The following VPS8 variants were observed in gnomAD, a reference collection of about 807,000 sequenced individuals.
VPS8 encodes the protein VPS8 subunit of CORVET complex.
Under a neutral mutation model 216.4 loss-of-function variants are expected in VPS8, and 129 were observed. That is an observed-to-expected ratio of 0.60 (90% CI 0.52 to 0.69). The LOEUF is 0.69. Ranked by LOEUF, VPS8 falls within the 30% of genes least tolerant of loss-of-function variation. The pLI, the probability that VPS8 is intolerant of heterozygous loss-of-function variation, is 0.00. For missense variants in VPS8, 1,531 were observed against 1,683.5 expected (o/e 0.91, Z 1.59); for synonymous variants, 571 against 565.4 (o/e 1.01, Z -0.14).
chr3:185,009,146 G>C (rs954797917), intron 45 of VPS8, among the ~76,000 whole-genome samples: 1 of 152,094 alleles, frequency 6.6e-6, no homozygotes, highest in African/African-American at 2.4e-5. Flanking sequence ...CTTTGATGCA[G>C]AAAAATCTTC....
intron 45 of VPS8, among the ~76,000 whole-genome samples, chr3:185,017,951 T>G (rs1756052006): frequency 6.6e-6 from 1 of 152,192 alleles, no homozygotes; most frequent in Non-Finnish European, 1.5e-5. Flanking sequence ...GCTCAGCAGT[T>G]TTCATTTTTT....
At chr3:185,024,207 A>G (rs1012255558) in intron 45 of VPS8, 129 bp from the exon 46 acceptor site, 10 of 856,600 alleles carry the variant, frequency 1.2e-5, no homozygotes, top group South Asian at 1.0e-4. Context: ...CTATTAATCT[A>G]TTAATTTCCT....
chr3:184,869,587 C>T, intron 20 of VPS8, 59 bp downstream of exon 20: 22 of 1,559,844 alleles, frequency 1.4e-5, no homozygotes, highest in Non-Finnish European at 1.8e-5. Context: ...TTGTCATTTG[C>T]CAGTATCTTT....
At chr3:184,932,893 A>G (rs62289462) in intron 34 of VPS8, among the ~76,000 whole-genome samples, 1 of 152,200 alleles carries the variant, frequency 6.6e-6, no homozygotes, top group African/African-American at 2.4e-5. Flanking sequence ...AGTTTTAACT[A>G]TTAAGAACAG....
intron 1 of VPS8, among the ~76,000 whole-genome samples, chr3:184,821,278 A>G (rs1003403129): frequency 2.6e-5 from 4 of 152,086 alleles, no homozygotes; most frequent in African/African-American, 9.7e-5. Flanking sequence ...CCAGAAGGCT[A>G]TGGGCAGAGC....
Position 185,039,511 on chromosome 3 carries a change from C to A in VPS8, c.4057-8968C>A, listed in dbSNP as rs371556733. 3.3e-5 allele frequency among the ~76,000 whole-genome samples: 5 copies of A among 151,040 alleles called. No individual in the cohort carries two copies. In the South Asian group the frequency reaches 1.0e-3, roughly 32 times the overall value. ...GCTAGCCTGATACGTTAGAAGCCAACGCTATGACACTGTGGGGTTTTTTTT... is the reference window on the plus strand; with the variant it reads ...GCTAGCCTGATACGTTAGAAGCCAAAGCTATGACACTGTGGGGTTTTTTTT... On this transcript the variant is annotated intron_variant, in intron 46 of 47. Transcript: ENST00000625842.
Position 184,834,748 on chromosome 3 carries a change from T to C in VPS8, c.447+6T>C, listed in dbSNP as rs2108561125. ...CCCAGATAGTGTCTGCAGCTGTAAG[T>C]ATTTTGTTCTTTTCCCTCAACTTTG... On this transcript the variant is annotated splice_donor_region_variant and intron_variant, in intron 5 of 47. Coordinates refer to ENST00000625842, the MANE Select transcript of VPS8 (RefSeq NM_001009921.3). 1 of 1,553,714 alleles carries C rather than the reference T, an allele frequency of 6.4e-7. No individual in the cohort carries two copies. Among genetic ancestry groups the C allele is most frequent in the East Asian group, 2.4e-5 (1 of 41,562 alleles).
chr3:184,992,448 A>G (rs1042428540), intron 42 of VPS8, among the ~76,000 whole-genome samples: 2 of 152,156 alleles, frequency 1.3e-5, no homozygotes, highest in Non-Finnish European at 2.9e-5. Flanking sequence ...TGTGTTTATT[A>G]AAAGCGTGAT....
chr3:185,032,639 A>G (rs1758328101), intron 46 of VPS8, among the ~76,000 whole-genome samples: 1 of 143,722 alleles, frequency 7.0e-6, no homozygotes, highest in African/African-American at 2.5e-5. Flanking sequence ...AAGCAGTTTG[A>G]TTTTGTTAAT....
chr3:184,916,920 G>A (rs1306897447), intron 28 of VPS8, among the ~76,000 whole-genome samples: 1 of 152,170 alleles, frequency 6.6e-6, no homozygotes, highest in Non-Finnish European at 1.5e-5. Context: ...TCTCTGATTT[G>A]GTTGACAAAT....
At chr3:185,034,913 G>A (rs541913752) in intron 46 of VPS8, among the ~76,000 whole-genome samples, 4 of 152,154 alleles carry the variant, frequency 2.6e-5, no homozygotes, top group Non-Finnish European at 5.9e-5. Context: ...TGACAAAGAT[G>A]ACACCACAAC....
At chr3:185,027,912 C>G (rs1392266530) in intron 46 of VPS8, among the ~76,000 whole-genome samples, 1 of 152,176 alleles carries the variant, frequency 6.6e-6, no homozygotes, top group Admixed American at 6.5e-5. Flanking sequence ...TTGGGACTAT[C>G]TCTAAAATAT....
intron 25 of VPS8, among the ~76,000 whole-genome samples, chr3:184,902,332 C>T (rs1391082518): frequency 2.1e-4 from 31 of 150,528 alleles, no homozygotes; most frequent in Non-Finnish European, 1.3e-4. Context: ...AAAAATTAGC[C>T]GGGTGTGGTG....
At chr3:185,018,092 G>A (rs1020671352) in intron 45 of VPS8, among the ~76,000 whole-genome samples, 4 of 152,050 alleles carry the variant, frequency 2.6e-5, no homozygotes, top group African/African-American at 9.7e-5. Context: ...GCCATTGCCT[G>A]TGCTAGCAGA....
intron 47 of VPS8, 83 bp downstream of exon 47, chr3:185,048,642 T>C: frequency 6.8e-7 from 1 of 1,475,486 alleles, no homozygotes; most frequent in Admixed American, 1.8e-5. Flanking sequence ...GGAACCTCCC[T>C]CTAGCCTCCT....
chr3:184,899,763 C>A (rs1474926438), intron 24 of VPS8, among the ~76,000 whole-genome samples: 1 of 152,200 alleles, frequency 6.6e-6, no homozygotes, highest in Admixed American at 6.5e-5. Flanking sequence ...TCAAAATAAT[C>A]CCTCAAAACA....
chr3:184,915,609 G>T (rs1737414227), intron 28 of VPS8, 135 bp downstream of exon 28: 1 of 899,860 alleles, frequency 1.1e-6, no homozygotes, highest in African/African-American at 1.7e-5. Context: ...AGGAGTTCCA[G>T]ACCAGCCTGG....
At chr3:184,976,556 T>C (rs575238342) in intron 40 of VPS8, among the ~76,000 whole-genome samples, 2 of 152,100 alleles carry the variant, frequency 1.3e-5, no homozygotes, top group African/African-American at 4.8e-5. Context: ...TATGAATGAA[T>C]AATCTGTCTC....
intron 29 of VPS8, 73 bp from the exon 30 acceptor site, chr3:184,924,789 T>C: frequency 1.4e-6 from 2 of 1,447,656 alleles, no homozygotes; most frequent in South Asian, 1.3e-5. Context: ...CTATCCCGTC[T>C]TCTAATTGTA....
Sources: gnomAD v4.1 joint callset for allele counts (sites outside exome capture counted in the v4.1 genomes callset) on GRCh38, gnomAD v4.1.1 for gene constraint, MANE v1.5 for transcripts, NCBI Gene and HGNC (gene_info 2026-07-23, HGNC 2026-07-21) for gene names.